Variants in PRKN observed in about 807,000 individuals in gnomAD.
PRKN encodes the protein parkin RBR E3 ubiquitin protein ligase.
A neutral mutation model predicts 59.5 loss-of-function variants in PRKN; 56 were observed. The ratio of observed to expected loss-of-function variants is 0.94; its 90% CI spans 0.76 to 1.18. The LOEUF (loss-of-function observed/expected upper bound fraction) is 1.18, where lower values mean the gene tolerates loss of function less well. PRKN is among the 50% of genes most tolerant of loss of function. The pLI is 0.00. For missense variants in PRKN, 657 were observed against 596.4 expected (o/e 1.10, Z -1.06); for synonymous variants, 250 against 222.1 (o/e 1.13, Z -1.12).
At chr6:161,504,538 T>C (rs945712011) in intron 9 of PRKN, among the ~76,000 whole-genome samples, 51 of 150,792 alleles carry the variant, frequency 3.4e-4, no homozygotes, top group Non-Finnish European at 4.0e-4. Context: ...TTTTTTATTA[T>C]TATACTTTAA....
rs902209287 is a variant in PRKN at position 161,442,034 on chromosome 6, G to A, written c.1084-55157C>T. 6.6e-6 allele frequency among the ~76,000 whole-genome samples: 1 copy of A among 152,182 alleles called. No homozygotes were observed. Among genetic ancestry groups the A allele is most frequent in the Non-Finnish European group, 1.5e-5 (1 of 68,040 alleles). ...TTTTCACTTCAGAAGTTATAGAGAC[G>A]ATGTAAGATGAAATACTGTTCAGTG... On this transcript the variant is annotated intron_variant, in intron 9 of 11. Coordinates refer to ENST00000366898, the MANE Select transcript of PRKN (RefSeq NM_004562.3). The surrounding 1 kb of genome is among the most constrained non-coding windows in gnomAD (Gnocchi z 4.6).
At chr6:161,933,329 GT>G (rs1166173857) in intron 6 of PRKN, among the ~76,000 whole-genome samples, 1 of 152,068 alleles carries the variant, frequency 6.6e-6, no homozygotes, top group Non-Finnish European at 1.5e-5. Context: ...ATTTATTAAT[GT>G]ATTGGGAAAT....
At chr6:161,963,370 T>C (rs1288267690) in intron 6 of PRKN, among the ~76,000 whole-genome samples, 2 of 152,232 alleles carry the variant, frequency 1.3e-5, no homozygotes, top group Admixed American at 6.5e-5. Context: ...CACAAGCACC[T>C]GTGACATCTC....
rs186791199 is a variant in PRKN, at chr6:162,577,730, A to G, written c.8-134257T>C. Among the ~76,000 whole-genome samples the G allele has an allele frequency of 5.3e-5, 8 of 152,288 alleles. No individual in the cohort carries two copies. The East Asian group carries it at 1.5e-3, about 29-fold the overall frequency. Reference sequence around the variant, plus strand: ...GATTACTCGAGACCAGGGGTTTGAGATCAGCCTCAGTAACATAGTGAGGAT... The same window carrying G: ...GATTACTCGAGACCAGGGGTTTGAGGTCAGCCTCAGTAACATAGTGAGGAT... On this transcript the variant is annotated intron_variant, in intron 1 of 11. Coordinates refer to ENST00000366898, the MANE Select transcript of PRKN (RefSeq NM_004562.3).
chr6:161,384,012 C>A (rs1042124705), intron 10 of PRKN, among the ~76,000 whole-genome samples: 1 of 152,162 alleles, frequency 6.6e-6, no homozygotes, highest in Non-Finnish European at 1.5e-5. Flanking sequence ...GCAGGAAGAG[C>A]CTCATCTCCT....
intron 4 of PRKN, among the ~76,000 whole-genome samples, chr6:162,113,998 C>T (rs1366430583): frequency 2.0e-5 from 3 of 151,684 alleles, no homozygotes; most frequent in Non-Finnish European, 4.4e-5. Flanking sequence ...TTGTTTTTCT[C>T]AGGTTTGTCA....
At chr6:162,394,850 C>T (rs1787393401) in intron 2 of PRKN, among the ~76,000 whole-genome samples, 1 of 152,144 alleles carries the variant, frequency 6.6e-6, no homozygotes, top group South Asian at 2.1e-4. Context: ...ACTTTTAAAT[C>T]CTGTATATGT....
In PRKN at chr6:161,823,083, T is replaced by C. The variant is rs1792100114; in HGVS notation, c.735-37175A>G. Among the ~76,000 whole-genome samples the C allele has an allele frequency of 2.6e-5, 4 of 151,530 alleles. No individual in the cohort carries two copies. In the South Asian group the frequency reaches 8.4e-4, roughly 32 times the overall value. On this transcript the variant is annotated intron_variant, in intron 6 of 11. Transcript: ENST00000366898. ...CCAAGTAGCTGGGACGAGAAGCACATGCTACTATGCCAGGCTAATTTTTTT... is the reference window on the plus strand; with the variant it reads ...CCAAGTAGCTGGGACGAGAAGCACACGCTACTATGCCAGGCTAATTTTTTT...
chr6:161,476,151 T>G (rs145654258), intron 9 of PRKN, among the ~76,000 whole-genome samples: 1 of 151,124 alleles, frequency 6.6e-6, no homozygotes, highest in Non-Finnish European at 1.5e-5. Flanking sequence ...CGCGCCACTG[T>G]ACTCCAACCT....
chr6:162,110,258 G>A (rs1780368536), intron 4 of PRKN, among the ~76,000 whole-genome samples: 1 of 152,128 alleles, frequency 6.6e-6, no homozygotes, highest in Non-Finnish European at 1.5e-5. Context: ...ACTCATTAAT[G>A]CACACAGACA....
chr6:161,553,928 C>G (rs184441255), intron 8 of PRKN, among the ~76,000 whole-genome samples: 109 of 152,304 alleles, frequency 7.2e-4, no homozygotes, highest in African/African-American at 2.5e-3. Flanking sequence ...TTACACGTTT[C>G]CTGCTCCAGG....
chr6:162,676,788 C>T (rs370014416), intron 1 of PRKN, among the ~76,000 whole-genome samples: 3 of 152,206 alleles, frequency 2.0e-5, no homozygotes, highest in South Asian at 2.1e-4. Context: ...AATGGCTGGA[C>T]GCGGTGGCTC....
At chr6:162,363,755 TA>T (rs1785274791) in intron 2 of PRKN, among the ~76,000 whole-genome samples, 1 of 152,188 alleles carries the variant, frequency 6.6e-6, no homozygotes, top group Admixed American at 6.6e-5. Flanking sequence ...CACTGGGAGA[TA>T]CAGTCCTCTT....
rs1780157794 is a variant in PRKN at position 161,475,026 on chromosome 6, T to G, written c.1083+73828A>C. Among the ~76,000 whole-genome samples, 2 of 151,842 alleles carry G rather than the reference T, an allele frequency of 1.3e-5. No individual in the cohort carries two copies. The highest frequency in any genetic ancestry group is 4.2e-4 in the South Asian group (2 of 4,816). ...TTCAAGTGATTCTCCTGCCTCAGCC[T>G]CCCAAGTAGCTGGGACTACAGGCAT... On this transcript the variant is annotated intron_variant, in intron 9 of 11. Coordinates refer to ENST00000366898, the MANE Select transcript of PRKN (RefSeq NM_004562.3). This position sits in a 1 kb window ranked among gnomAD's most constrained non-coding sequence, Gnocchi z 5.3.
At position 161,704,322 on chromosome 6, in the gene PRKN, C is replaced by T. The variant is rs541402859; in HGVS notation, c.871+81450G>A. ...CCCCCCATGAATCAGACTAAAATAC[C>T]CCACCACTGGTTTGGTCATCCGCTC... On this transcript the variant is annotated intron_variant, in intron 7 of 11. Transcript: ENST00000366898. Among the ~76,000 whole-genome samples the T allele has an allele frequency of 3.9e-5, 6 of 152,184 alleles. No individual in the cohort carries two copies. The South Asian group carries it at 1.0e-3, about 26-fold the overall frequency.
intron 6 of PRKN, among the ~76,000 whole-genome samples, chr6:161,889,750 T>C (rs1795275908): frequency 6.6e-6 from 1 of 152,226 alleles, no homozygotes; most frequent in Non-Finnish European, 1.5e-5. Flanking sequence ...ATAGTGTTGG[T>C]TGAGAGAATG....
intron 9 of PRKN, among the ~76,000 whole-genome samples, chr6:161,535,112 G>A (rs1265768261): frequency 6.6e-6 from 1 of 152,144 alleles, no homozygotes; most frequent in Non-Finnish European, 1.5e-5. Context: ...AATGTCAATC[G>A]AACTAGAGAA....
chr6:161,491,780 G>T (rs923039481), intron 9 of PRKN, among the ~76,000 whole-genome samples: 3 of 152,124 alleles, frequency 2.0e-5, no homozygotes, highest in Non-Finnish European at 2.9e-5. Context: ...ACAGGTGCCT[G>T]CCACCATGCC....
chr6:162,211,420 A>C (rs1415740307), intron 3 of PRKN, among the ~76,000 whole-genome samples: 2 of 152,230 alleles, frequency 1.3e-5, no homozygotes, highest in Non-Finnish European at 2.9e-5. Context: ...ATTGAATGTT[A>C]TCCCAAGAAA....
Sources: gnomAD v4.1 joint callset for allele counts (sites outside exome capture counted in the v4.1 genomes callset) on GRCh38, gnomAD v4.1.1 for gene constraint, Gnocchi (gnomAD v3.1) non-coding constraint, MANE v1.5 for transcripts, NCBI Gene and HGNC (gene_info 2026-07-23, HGNC 2026-07-21) for gene names.